The following GATAD2B variants were observed in gnomAD, a reference collection of about 807,000 sequenced individuals.
GATAD2B encodes GATA zinc finger domain containing 2B, also known as transcriptional repressor p66-beta.
GATAD2B carries 8 observed loss-of-function variants against 64.3 expected under a neutral mutation model. That is an observed-to-expected ratio of 0.12 (90% CI 0.07 to 0.22). The LOEUF is 0.22. Ranked by LOEUF, GATAD2B falls within the 10% of genes least tolerant of loss-of-function variation. The probability of loss-of-function intolerance (pLI) is 1.00; values close to 1 mark genes in which losing one functional copy is unlikely to be tolerated. For missense variants in GATAD2B, 453 were observed against 752.0 expected, an observed-to-expected ratio of 0.60 and a Z score of 4.65; for synonymous variants, 281 against 271.3, an observed-to-expected ratio of 1.04 and a Z score of -0.35.
At chr1:153,884,765 A>C (rs889959651) in intron 1 of GATAD2B, among the ~76,000 whole-genome samples, 1 of 151,840 alleles carries the variant, frequency 6.6e-6, no homozygotes. Context: ...CTTTTTATTT[A>C]TTTCTTTTTT....
At chr1:153,829,979 C>T (rs1675018720) in intron 1 of GATAD2B, among the ~76,000 whole-genome samples, 1 of 151,698 alleles carries the variant, frequency 6.6e-6, no homozygotes. Context: ...TCATGTAGTC[C>T]CAGCTACCTG....
intron 1 of GATAD2B, among the ~76,000 whole-genome samples, chr1:153,834,270 C>A (rs1675189531): frequency 6.6e-6 from 1 of 151,766 alleles, no homozygotes; most frequent in Non-Finnish European, 1.5e-5. Context: ...TCCCAAAGTG[C>A]TGGGATTACA....
Position 153,906,312 on chromosome 1 carries a change from G to A in GATAD2B, c.-2+16421C>T, listed in dbSNP as rs997303652. 5.3e-5 allele frequency among the ~76,000 whole-genome samples: 8 copies of A among 152,092 alleles called. No individual in the cohort carries two copies. The South Asian group carries it at 6.2e-4, about 12-fold the overall frequency. Reference sequence around the variant, plus strand: ...CGTGTGCCTGTAGTTCCAGCCACTCGGGAGGCTGAAGCAGGAGAATCACTT... The same window carrying A: ...CGTGTGCCTGTAGTTCCAGCCACTCAGGAGGCTGAAGCAGGAGAATCACTT... On this transcript the variant is annotated intron_variant, in intron 1 of 10. Coordinates refer to ENST00000368655, the MANE Select transcript of GATAD2B (RefSeq NM_020699.4).
intron 1 of GATAD2B, among the ~76,000 whole-genome samples, chr1:153,899,345 G>A (rs1677696567): frequency 6.6e-6 from 1 of 152,086 alleles, no homozygotes; most frequent in Non-Finnish European, 1.5e-5. Flanking sequence ...AAGGTGGGCG[G>A]ATCACCTGAG....
At chr1:153,811,878 C>A in intron 9 of GATAD2B, 30 bp from the exon 10 acceptor site, 2 of 1,455,174 alleles carry the variant, frequency 1.4e-6, no homozygotes, top group South Asian at 2.3e-5. Flanking sequence ...GTGGATACAA[C>A]TTTGATATGA....
At chr1:153,859,907 CTTTTTTTTTTTT>C (rs34557576) in intron 1 of GATAD2B, among the ~76,000 whole-genome samples, 3 of 60,890 alleles carry the variant, frequency 4.9e-5, no homozygotes, top group South Asian at 7.7e-4. Flanking sequence ...CTTTTCTTTT[CTTTTTTTTTTTT>C]TTTTTTTTTT....
chr1:153,904,634 T>C (rs894805179), intron 1 of GATAD2B, among the ~76,000 whole-genome samples: 1 of 152,078 alleles, frequency 6.6e-6, no homozygotes, highest in Non-Finnish European at 1.5e-5. Flanking sequence ...CTCCACCTCA[T>C]GGGTTCAAGC....
At chr1:153,868,923 G>A (rs531497735) in intron 1 of GATAD2B, among the ~76,000 whole-genome samples, 27 of 151,976 alleles carry the variant, frequency 1.8e-4, no homozygotes, top group African/African-American at 2.9e-4. Context: ...TAGTAGAGAC[G>A]AAGCCAAGAT....
intron 1 of GATAD2B, among the ~76,000 whole-genome samples, chr1:153,831,989 C>T (rs1299669423): frequency 6.6e-6 from 1 of 152,168 alleles, no homozygotes; most frequent in African/African-American, 2.4e-5. Context: ...CCAAGGCGGG[C>T]TGATCACTTG....
chr1:153,891,885 C>T (rs1051975929), intron 1 of GATAD2B, among the ~76,000 whole-genome samples: 6 of 151,692 alleles, frequency 4.0e-5, no homozygotes, highest in Admixed American at 1.3e-4. Flanking sequence ...AGTTTATGGC[C>T]GGGTGCAGTG....
intron 1 of GATAD2B, among the ~76,000 whole-genome samples, chr1:153,882,590 A>G (rs1049431242): frequency 2.7e-5 from 4 of 150,360 alleles, no homozygotes; most frequent in African/African-American, 7.6e-5. Context: ...TTTGTTATGT[A>G]TATTTTACTG....
chr1:153,850,293 C>T (rs532538833), intron 1 of GATAD2B, among the ~76,000 whole-genome samples: 1 of 151,928 alleles, frequency 6.6e-6, no homozygotes, highest in Admixed American at 6.6e-5. Flanking sequence ...ACAAATAAGC[C>T]CATACTTAAT....
intron 1 of GATAD2B, among the ~76,000 whole-genome samples, chr1:153,872,038 C>T (rs1676683561): frequency 6.6e-6 from 1 of 152,076 alleles, no homozygotes; most frequent in African/African-American, 2.4e-5. Flanking sequence ...GCAACCTAGG[C>T]TAGGCGCGGT....
chr1:153,817,300 A>T, intron 6 of GATAD2B, 72 bp downstream of exon 6: 1 of 1,400,856 alleles, frequency 7.1e-7, no homozygotes, highest in Non-Finnish European at 9.6e-7. Context: ...CTTAAAACCT[A>T]TGGCCCTTTC....
In GATAD2B at chr1:153,806,613, GT is replaced by G. The variant is rs35293578; in HGVS notation, c.*3563del. On this transcript the variant is annotated 3_prime_UTR_variant, in exon 11 of 11. Transcript: ENST00000368655. ...TAGGGCTTTTTTTTCTCTTTTTCAG[GT>G]TTTTTTTTTTTTCTACACAATGTAC... The G allele has an allele frequency of 0.43, 62,585 of 145,212 alleles. 14,041 individuals carry two copies. Among genetic ancestry groups the G allele is most frequent in the Non-Finnish European group, 0.52 (34,240 of 66,088 alleles). 9.0% of individuals were successfully genotyped at this position (145,212 alleles called of 1,614,324 possible). A position where few individuals can be genotyped will look rare whatever the true frequency, so the allele number is the denominator to read the frequency against.
chr1:153,890,345 G>A (rs539484530), intron 1 of GATAD2B, among the ~76,000 whole-genome samples: 63 of 150,848 alleles, frequency 4.2e-4, no homozygotes, highest in South Asian at 1.5e-3. Context: ...AAAATTAGCC[G>A]GACGTGGTGG....
At chr1:153,874,465 G>T (rs1676763795) in intron 1 of GATAD2B, among the ~76,000 whole-genome samples, 1 of 152,120 alleles carries the variant, frequency 6.6e-6, no homozygotes, top group African/African-American at 2.4e-5. Flanking sequence ...CATGTCAATA[G>T]ACCCTCCCTT....
intron 1 of GATAD2B, among the ~76,000 whole-genome samples, chr1:153,874,332 T>C (rs1016754662): frequency 2.0e-4 from 31 of 152,086 alleles, no homozygotes; most frequent in African/African-American, 7.2e-4. Context: ...TCTCAGGTTA[T>C]AGCAACAGAA....
At chr1:153,853,382 T>A in intron 1 of GATAD2B, 1 of 690,606 alleles carries the variant, frequency 1.4e-6, no homozygotes, top group Non-Finnish European at 2.7e-6. Context: ...GTCATCACAC[T>A]CAGTTGTGGA....
Sources: allele counts gnomAD v4.1 joint callset (sites outside exome capture counted in the v4.1 genomes callset), GRCh38; gene constraint gnomAD v4.1.1; transcripts MANE v1.5; gene names NCBI Gene and HGNC (gene_info 2026-07-23, HGNC 2026-07-21).